Variants in MBD2 observed in about 807,000 individuals in gnomAD.
The protein encoded by MBD2 is methyl-CpG-binding domain protein 2.
Under a neutral mutation model 39.3 loss-of-function variants are expected in MBD2, and 9 were observed. The observed-to-expected ratio is 0.23, with a 90% confidence interval of 0.14 to 0.40. The LOEUF (loss-of-function observed/expected upper bound fraction) is 0.40, where lower values mean the gene tolerates loss of function less well. Ranked by LOEUF, MBD2 falls within the 10% of genes least tolerant of loss-of-function variation. The pLI is 1.00. For synonymous variants in MBD2, 233 were observed against 211.1 expected (o/e 1.10, Z -0.90); for missense variants, 458 against 532.6 (o/e 0.86, Z 1.38).
At position 54,224,418 on chromosome 18, in the gene MBD2, C is replaced by G. The variant is rs534204537; in HGVS notation, c.142G>C (p.Gly48Arg). 137 of 1,244,716 alleles carry G rather than the reference C, an allele frequency of 1.1e-4. No individual in the cohort carries two copies. In the South Asian group the frequency reaches 3.9e-3, roughly 36 times the overall value. 77.1% of individuals were successfully genotyped at this position (1,244,716 alleles called of 1,614,324 possible). The change falls in exon 1 of 7, where the codon GGC becomes CGC. Residue 48 changes from glycine (G) to arginine (R), a missense_variant. Physicochemically the swap from Gly to Arg is moderately radical, Grantham distance 125. Coordinates refer to ENST00000256429, the MANE Select transcript of MBD2 (RefSeq NM_003927.5). ...GSALAPSPVS[G>R]VRREGARGGG... ...CCCCGAGCGCCTTCCCTGCGCACGC[C>G]GCTCACCGGGGACGGGGCGAGCGCG...
intron 3 of MBD2, among the ~76,000 whole-genome samples, chr18:54,176,176 T>C (rs2086211811): frequency 6.6e-6 from 1 of 152,318 alleles, no homozygotes; most frequent in Middle Eastern, 3.4e-3. Flanking sequence ...TTTGGCTAAG[T>C]AGAGGGAGGA....
Position 54,154,703 on chromosome 18 carries a change from CA to C in MBD2, c.*620del, listed in dbSNP as rs941909832. 11 of 152,410 alleles carry C rather than the reference CA, an allele frequency of 7.2e-5. No homozygotes were observed. The highest frequency in any genetic ancestry group is 1.5e-4 in the Non-Finnish European group (10 of 68,048). 9.4% of individuals were successfully genotyped at this position (152,410 alleles called of 1,614,324 possible). Reference sequence around the variant, plus strand: ...CGTCCAGAGGCAATAGTTCATACTGCAAATATATGCGCTATCTTCCTCCACC... The same window carrying C: ...CGTCCAGAGGCAATAGTTCATACTGCAATATATGCGCTATCTTCCTCCACC... On this transcript the variant is annotated 3_prime_UTR_variant, in exon 7 of 7. Transcript: ENST00000256429.
intron 1 of MBD2, among the ~76,000 whole-genome samples, chr18:54,219,678 TTTTG>T (rs779993481): frequency 1.4e-4 from 22 of 152,204 alleles, no homozygotes; most frequent in Non-Finnish European, 2.1e-4. Context: ...TCCATTTATT[TTTTG>T]TTTGTTTGTT....
At chr18:54,183,868 C>T (rs2086266544) in intron 3 of MBD2, among the ~76,000 whole-genome samples, 1 of 151,912 alleles carries the variant, frequency 6.6e-6, no homozygotes, top group Non-Finnish European at 1.5e-5. Flanking sequence ...GTGACATATT[C>T]CACTGGATGG....
intron 3 of MBD2, among the ~76,000 whole-genome samples, chr18:54,176,811 T>C (rs8083077): frequency 0.31 from 46,541 of 152,146 alleles, 8,244 homozygotes; most frequent in East Asian, 0.56. Flanking sequence ...AAGAAAATTA[T>C]TGCATAAACC....
Position 54,224,237 on chromosome 18 carries a change from C to CCGT in MBD2, c.320_322dup (p.Asp107dup). On this transcript the variant is annotated inframe_insertion, in exon 1 of 7. Coordinates refer to ENST00000256429, the MANE Select transcript of MBD2 (RefSeq NM_003927.5). ...GCTGCCGCCGCCGCCGCAGCCGCCG[C>CCGT]CGTCGCCGCCAAGGCCGCTGCCGCC... 2 of 1,002,914 alleles carry CCGT rather than the reference C, an allele frequency of 2.0e-6. No homozygotes were observed. Among genetic ancestry groups the CCGT allele is most frequent in the Non-Finnish European group, 2.4e-6 (2 of 842,514 alleles). The allele number at this position is 1,002,914 out of a possible 1,614,324, so 62.1% of individuals were successfully genotyped here.
At chr18:54,202,983 G>A in intron 2 of MBD2, 1 of 1,002,210 alleles carries the variant, frequency 1.0e-6, no homozygotes, top group South Asian at 1.3e-5. Flanking sequence ...TGGATGAGTA[G>A]GAGTTCACCA....
intron 3 of MBD2, among the ~76,000 whole-genome samples, chr18:54,170,459 T>C (rs917627560): frequency 6.6e-6 from 1 of 152,204 alleles, no homozygotes; most frequent in African/African-American, 2.4e-5. Flanking sequence ...ATCCCTATTC[T>C]GATGCTCTGG....
At chr18:54,199,640 T>C (rs894041816) in intron 2 of MBD2, among the ~76,000 whole-genome samples, 7 of 152,146 alleles carry the variant, frequency 4.6e-5, no homozygotes, top group Admixed American at 4.6e-4. Flanking sequence ...ATTCCCTGAC[T>C]CCTCTGCCCC....
intron 2 of MBD2, among the ~76,000 whole-genome samples, chr18:54,204,370 C>T (rs1461980334): frequency 3.9e-5 from 6 of 152,216 alleles, no homozygotes; most frequent in Admixed American, 3.9e-4. Flanking sequence ...AAGTATCTCT[C>T]ATCTGAAATG....
chr18:54,161,963 G>A (rs763170173), intron 5 of MBD2, among the ~76,000 whole-genome samples: 21 of 152,274 alleles, frequency 1.4e-4, no homozygotes, highest in Middle Eastern at 3.4e-3. Flanking sequence ...AGGGGCACAC[G>A]GAGGAGCCAC....
intron 1 of MBD2, among the ~76,000 whole-genome samples, chr18:54,215,329 G>A (rs1321589351): frequency 6.6e-6 from 1 of 152,090 alleles, no homozygotes; most frequent in African/African-American, 2.4e-5. Flanking sequence ...GTTGCAACAT[G>A]TTTTTTGTAT....
chr18:54,204,238 G>C (rs186177442), intron 2 of MBD2, among the ~76,000 whole-genome samples: 2 of 152,176 alleles, frequency 1.3e-5, no homozygotes, highest in African/African-American at 2.4e-5. Context: ...ACAGATCCTT[G>C]AAGTTTAGAG....
chr18:54,200,633 A>G lies in MBD2; in HGVS notation c.702+4365T>C, dbSNP rs1351880931. On this transcript the variant is annotated intron_variant, in intron 2 of 6. Transcript: ENST00000256429. ...ACCACCTCTTTGAAAAATCAAACATAAATCCCTAAACAATATTTAGCTTTT... is the reference window on the plus strand; with the variant it reads ...ACCACCTCTTTGAAAAATCAAACATGAATCCCTAAACAATATTTAGCTTTT... 2.0e-5 allele frequency among the ~76,000 whole-genome samples: 3 copies of G among 151,674 alleles called. No individual in the cohort carries two copies. In the East Asian group the frequency reaches 5.8e-4, roughly 29 times the overall value.
chr18:54,213,487 C>T (rs2086528249), intron 1 of MBD2, among the ~76,000 whole-genome samples: 1 of 152,134 alleles, frequency 6.6e-6, no homozygotes, highest in Non-Finnish European at 1.5e-5. Flanking sequence ...TGCTCTGTAT[C>T]ATTTGTTTAA....
At chr18:54,160,486 A>G (rs564630717) in intron 5 of MBD2, among the ~76,000 whole-genome samples, 2 of 152,006 alleles carry the variant, frequency 1.3e-5, no homozygotes, top group East Asian at 3.9e-4. Context: ...CTCTCTTCAA[A>G]TAAGAAAGTG....
intron 3 of MBD2, among the ~76,000 whole-genome samples, chr18:54,177,218 G>A (rs117775941): frequency 0.032 from 4,840 of 152,236 alleles, 119 homozygotes; most frequent in Non-Finnish European, 0.046. Flanking sequence ...TTTGTCACAT[G>A]TCAGTATACT....
chr18:54,223,935 G>A (rs1023420101), intron 1 of MBD2, 83 bp downstream of exon 1: 12 of 1,222,620 alleles, frequency 9.8e-6, no homozygotes, highest in Non-Finnish European at 1.4e-5. Flanking sequence ...CCGGGCCCCA[G>A]CGCTCATCCT....
chr18:54,214,742 CTT>C (rs1009315641), intron 1 of MBD2, among the ~76,000 whole-genome samples: 32 of 69,762 alleles, frequency 4.6e-4, no homozygotes, highest in Non-Finnish European at 4.6e-4. Context: ...TTTTAGAATT[CTT>C]TTTTTTTTTT....
Sources: gnomAD v4.1 joint callset for allele counts (sites outside exome capture counted in the v4.1 genomes callset) on GRCh38, gnomAD v4.1.1 for gene constraint, MANE v1.5 for transcripts, NCBI Gene and HGNC (gene_info 2026-07-23, HGNC 2026-07-21) for gene names.